The following ATP2C2 variants were observed in gnomAD, a reference collection of about 807,000 sequenced individuals.
ATP2C2 encodes the protein ATPase secretory pathway Ca2+ transporting 2, also known as calcium-transporting ATPase type 2C member 2.
A neutral mutation model predicts 110.8 loss-of-function variants in ATP2C2; 171 were observed. That is an observed-to-expected ratio of 1.54 (90% CI 1.36 to 1.75). The LOEUF (loss-of-function observed/expected upper bound fraction) is 1.75, where lower values mean the gene tolerates loss of function less well. Among genes scored for constraint, ATP2C2 ranks in the 40% most tolerant of loss-of-function variants. The pLI is 0.00. For missense variants in ATP2C2, 1,963 were observed against 1,235.0 expected (o/e 1.59, Z -8.84); for synonymous variants, 804 against 508.4 (o/e 1.58, Z -7.82).
rs754845569 is a variant in ATP2C2, at chr16:84,454,928, C to T, written c.2091C>T (p.Asp697=). The T allele has an allele frequency of 1.1e-5, 17 of 1,613,804 alleles. No homozygotes were observed. The highest frequency in any genetic ancestry group is 9.3e-5 in the African/African-American group (7 of 74,890). The change falls in exon 21 of 27, where the codon GAC becomes GAT. Residue 697 remains aspartate (D), a synonymous_variant. Coordinates refer to ENST00000262429, the MANE Select transcript of ATP2C2 (RefSeq NM_014861.4). ...TCGCCATGGGGCAGACAGGGACGGA[C>T]GTCAGCAAAGAGGCCGCCAACATGA... ...IGIAMGQTGT[D]VSKEAANMIL...
At chr16:84,407,032 G>C (rs530883788) in intron 3 of ATP2C2, among the ~76,000 whole-genome samples, 19 of 152,336 alleles carry the variant, frequency 1.2e-4, no homozygotes, top group African/African-American at 4.6e-4. Flanking sequence ...CAATGCATCT[G>C]TGGGAATCCT....
At chr16:84,398,257 T>G (rs1419523173) in intron 1 of ATP2C2, among the ~76,000 whole-genome samples, 1 of 151,328 alleles carries the variant, frequency 6.6e-6, no homozygotes, top group African/African-American at 2.4e-5. Context: ...CCAAAAAAAT[T>G]TAGTGGGGTG....
intron 6 of ATP2C2, among the ~76,000 whole-genome samples, chr16:84,413,303 T>C (rs1462044795): frequency 6.6e-6 from 1 of 151,990 alleles, no homozygotes; most frequent in Non-Finnish European, 1.5e-5. Flanking sequence ...TAGAAAGCCG[T>C]AGTGAGATAC....
rs753798571 is a variant in ATP2C2, at chr16:84,451,973, T to C, written c.1713T>C (p.Leu571=). 14 of 1,613,978 alleles carry C rather than the reference T, an allele frequency of 8.7e-6. No homozygotes were observed. The highest frequency in any genetic ancestry group is 2.2e-5 in the East Asian group (1 of 44,866). ...TGGGGCGGCTGACGTTTCTCGGTCT[T>C]GTGGGCATCATTGACCCCCCGAGAG... is the stretch of plus-strand genomic sequence containing the variant. The part of the protein sequence containing the change: ...PELGRLTFLG[L]VGIIDPPRVG... Residue 571 remains leucine, a synonymous_variant, in exon 18 of 27, where the codon CTT becomes CTC. Transcript: ENST00000262429.
At chr16:84,379,234 T>C (rs762542977) in intron 1 of ATP2C2, among the ~76,000 whole-genome samples, 1 of 150,340 alleles carries the variant, frequency 6.7e-6, no homozygotes, top group Non-Finnish European at 1.5e-5. Context: ...CAGGCTGGAG[T>C]GCAGTGGCGC....
At chr16:84,399,515 C>G (rs190454192) in intron 2 of ATP2C2, among the ~76,000 whole-genome samples, 42 of 152,308 alleles carry the variant, frequency 2.8e-4, no homozygotes, top group Admixed American at 2.4e-3. Context: ...AACAAAGTTT[C>G]CTTCCATTAT....
At chr16:84,420,111 T>C (rs1395655673) in intron 7 of ATP2C2, among the ~76,000 whole-genome samples, 1 of 152,168 alleles carries the variant, frequency 6.6e-6, no homozygotes, top group Non-Finnish European at 1.5e-5. Flanking sequence ...CGGAGGTCTC[T>C]GCTCCCTGTC....
intron 4 of ATP2C2, among the ~76,000 whole-genome samples, chr16:84,409,264 A>G (rs904451670): frequency 6.6e-6 from 1 of 152,208 alleles, no homozygotes; most frequent in Non-Finnish European, 1.5e-5. Context: ...ACACATGGAC[A>G]CAGGGTGGGG....
At chr16:84,399,351 A>G (rs1031021335) in intron 2 of ATP2C2, among the ~76,000 whole-genome samples, 6 of 152,216 alleles carry the variant, frequency 3.9e-5, no homozygotes, top group South Asian at 2.1e-4. Context: ...CTCTGCCTGC[A>G]TATTATCCCT....
Position 84,453,323 on chromosome 16 carries a change from G to A in ATP2C2, c.1932G>A (p.Val644=). 1 of 1,614,172 alleles carries A rather than the reference G, an allele frequency of 6.2e-7. No homozygotes were observed. Among genetic ancestry groups the A allele is most frequent in the Non-Finnish European group, 8.5e-7 (1 of 1,180,018 alleles). The change falls in exon 20 of 27, where the codon GTG becomes GTA. Residue 644 remains valine (V), a splice_region_variant and synonymous_variant. Transcript: ENST00000262429. ...KGELADRVGK[V]SVFFRTSPKH... ...GTCTTCCCCGTCTCCGTGTCCAGGT[G>A]TCCGTGTTCTTCAGGACCAGCCCAA... is the stretch of plus-strand genomic sequence containing the variant.
chr16:84,441,880 G>A (rs1420712970), intron 14 of ATP2C2, among the ~76,000 whole-genome samples: 1 of 152,140 alleles, frequency 6.6e-6, no homozygotes, highest in Admixed American at 6.5e-5. Flanking sequence ...CTGAGGTCAT[G>A]CCACTGCACT....
intron 23 of ATP2C2, chr16:84,460,278 G>T (rs908233183): frequency 1.3e-5 from 4 of 304,192 alleles, no homozygotes; most frequent in African/African-American, 2.2e-5. Flanking sequence ...GCTGGAGGCT[G>T]GTCTCTCTCA....
Position 84,432,700 on chromosome 16 carries a change from T to C in ATP2C2, c.987-6466T>C, listed in dbSNP as rs1908390300. On this transcript the variant is annotated intron_variant, in intron 11 of 26. Coordinates refer to ENST00000262429, the MANE Select transcript of ATP2C2 (RefSeq NM_014861.4). ...CACACCCAGCTAATTTTTGTATTTT[T>C]AATAGAGATGGGGTTTCACTATGTT... Among the ~76,000 whole-genome samples, 4 of 152,064 alleles carry C rather than the reference T, an allele frequency of 2.6e-5. No individual in the cohort carries two copies. In the South Asian group the frequency reaches 8.3e-4, roughly 32 times the overall value.
intron 11 of ATP2C2, among the ~76,000 whole-genome samples, chr16:84,431,412 C>T (rs1159972159): frequency 1.3e-5 from 2 of 152,100 alleles, no homozygotes; most frequent in Non-Finnish European, 2.9e-5. Flanking sequence ...AGGAGAATCG[C>T]TTGAACTTGG....
At chr16:84,403,801 C>T (rs1235373125) in intron 2 of ATP2C2, among the ~76,000 whole-genome samples, 1 of 152,156 alleles carries the variant, frequency 6.6e-6, no homozygotes, top group Non-Finnish European at 1.5e-5. Flanking sequence ...AGCGATTCTC[C>T]TGCCTCAGCC....
At chr16:84,370,675 C>CTTTTTTTT (rs112540313) in intron 1 of ATP2C2, among the ~76,000 whole-genome samples, 1 of 143,750 alleles carries the variant, frequency 7.0e-6, no homozygotes, top group African/African-American at 2.6e-5. Context: ...TTGGAATTGT[C>CTTTTTTTT]TTTTTTTTTT....
intron 1 of ATP2C2, among the ~76,000 whole-genome samples, chr16:84,396,652 C>G (rs1009126336): frequency 6.6e-6 from 1 of 151,284 alleles, no homozygotes; most frequent in Non-Finnish European, 1.5e-5. Context: ...GGGGGGAGTG[C>G]CCAGCCTGCC....
At chr16:84,459,219 TAAGCACCACGCCTGGCGGGCG>T (rs746383466) in intron 22 of ATP2C2, 30 bp from the exon 23 acceptor site, 3 of 1,614,160 alleles carry the variant, frequency 1.9e-6, no homozygotes, top group Non-Finnish European at 2.5e-6. Context: ...CGAGTGTCAT[TAAGCACCACGCCTGGCGGGCG>T]GCCGCTGACT....
Position 84,459,335 on chromosome 16 carries a change from C to G in ATP2C2, c.2282C>G (p.Ala761Gly). 6.2e-7 allele frequency: 1 copy of G among 1,614,218 alleles called. No individual in the cohort carries two copies. Among genetic ancestry groups the G allele is most frequent in the South Asian group, 1.1e-5 (1 of 91,084 alleles). The change falls in exon 23 of 27, where the codon GCC (alanine) becomes GGC (glycine). Residue 761 changes from alanine (A) to glycine (G), a missense_variant. Transcript: ENST00000262429. ...TTCAACCTGCCCAGCCCCCTCAACG[C>G]CATGCAGATCCTATGGATCAACATC... is the stretch of plus-strand genomic sequence containing the variant. ...TVFNLPSPLN[A>G]MQILWINIIM...
Sources: allele counts gnomAD v4.1 joint callset (sites outside exome capture counted in the v4.1 genomes callset), GRCh38; gene constraint gnomAD v4.1.1; transcripts MANE v1.5; gene names NCBI Gene and HGNC (gene_info 2026-07-23, HGNC 2026-07-21).